The following LDLRAP1 variants were observed in gnomAD, a reference collection of about 807,000 sequenced individuals.
LDLRAP1 encodes low density lipoprotein receptor adapter protein 1.
A neutral mutation model predicts 37.8 loss-of-function variants in LDLRAP1; 30 were observed. The ratio of observed to expected loss-of-function variants is 0.79; its 90% CI spans 0.59 to 1.08. The LOEUF (loss-of-function observed/expected upper bound fraction) is 1.08. LDLRAP1 is among the 50% of genes least tolerant of loss of function. The pLI is 0.00. For missense variants in LDLRAP1, 375 were observed against 401.6 expected (o/e 0.93, Z 0.57); for synonymous variants, 156 against 169.8 (o/e 0.92, Z 0.63).
In LDLRAP1 at chr1:25,555,358, T is replaced by G. The variant is rs1266392139; in HGVS notation, c.344+386T>G. 6.6e-6 allele frequency among the ~76,000 whole-genome samples: 1 copy of G among 152,210 alleles called. No individual in the cohort carries two copies. The highest frequency in any genetic ancestry group is 6.5e-5 in the Admixed American group (1 of 15,288). On this transcript the variant is annotated intron_variant, in intron 3 of 8. Transcript: ENST00000374338. This position sits in a 1 kb window ranked among gnomAD's most constrained non-coding sequence, Gnocchi z 4.7. ...ATGCAGCAGCTCAGCTCTGGGTATCTGGCCAGACATTCCAGGGAGGCCTCA... is the reference window on the plus strand; with the variant it reads ...ATGCAGCAGCTCAGCTCTGGGTATCGGGCCAGACATTCCAGGGAGGCCTCA...
At chr1:25,551,390 G>A (rs1238116346) in intron 1 of LDLRAP1, among the ~76,000 whole-genome samples, 2 of 152,234 alleles carry the variant, frequency 1.3e-5, no homozygotes, top group Non-Finnish European at 2.9e-5. Context: ...TGGTCTCATG[G>A]TCAGGAGCTT....
chr1:25,545,219 T>C (rs1260193869), intron 1 of LDLRAP1, among the ~76,000 whole-genome samples: 1 of 151,596 alleles, frequency 6.6e-6, no homozygotes. Context: ...TCTCCAGGAA[T>C]GAGGGAGGGA....
At chr1:25,564,861 T>A (rs2044434657) in intron 7 of LDLRAP1, 1 of 388,776 alleles carries the variant, frequency 2.6e-6, no homozygotes, top group Admixed American at 3.6e-5. Flanking sequence ...AAAGCTGAGT[T>A]TCAACGTGGA....
intron 7 of LDLRAP1, 174 bp from the exon 8 acceptor site, chr1:25,564,999 T>C: frequency 1.4e-6 from 1 of 694,014 alleles, no homozygotes; most frequent in Non-Finnish European, 2.6e-6. Flanking sequence ...GTCCTTGGGC[T>C]GAGATGCTGG....
At chr1:25,545,391 A>C (rs1436929038) in intron 1 of LDLRAP1, among the ~76,000 whole-genome samples, 1 of 152,190 alleles carries the variant, frequency 6.6e-6, no homozygotes. Context: ...TGAGCAAGTC[A>C]CTTGTCCTTT....
At chr1:25,566,472 T>C (rs2044481432) in intron 8 of LDLRAP1, among the ~76,000 whole-genome samples, 1 of 152,162 alleles carries the variant, frequency 6.6e-6, no homozygotes, top group African/African-American at 2.4e-5. Flanking sequence ...AACAGCACGG[T>C]GTTGACACAG....
At chr1:25,572,472 C>T (rs2044618609), downstream of LDLRAP1, among the ~76,000 whole-genome samples, 1 of 152,180 alleles carries the variant, frequency 6.6e-6, no homozygotes, top group African/African-American at 2.4e-5. Context: ...GTGGTCCACC[C>T]TCTGCCCCAA....
chr1:25,550,997 G>A (rs1229838418), intron 1 of LDLRAP1, among the ~76,000 whole-genome samples: 4 of 152,172 alleles, frequency 2.6e-5, no homozygotes, highest in African/African-American at 7.2e-5. Flanking sequence ...TGGGAGAATG[G>A]GGACATGAAA....
chr1:25,547,161 G>T (rs1050547460), intron 1 of LDLRAP1, among the ~76,000 whole-genome samples: 1 of 152,278 alleles, frequency 6.6e-6, no homozygotes. Flanking sequence ...AGTGAGAAGG[G>T]AGGGGAGTCC....
the LDLRAP1 span, among the ~76,000 whole-genome samples, chr1:25,586,483 C>G: frequency 3.3e-3 from 486 of 146,128 alleles, 3 homozygotes; most frequent in African/African-American, 0.013. This position sits in a 1 kb window ranked among gnomAD's most constrained non-coding sequence, Gnocchi z 4.3. Context: ...TTCCCACGTG[C>G]GTGTGCGTGT....
Position 25,543,646 on chromosome 1 carries a change from T to G in LDLRAP1, c.-53T>G, listed in dbSNP as rs1572013636. 2 of 1,175,296 alleles carry G rather than the reference T, an allele frequency of 1.7e-6. No homozygotes were observed. The highest frequency in any genetic ancestry group is 2.1e-6 in the Non-Finnish European group (2 of 943,620). The allele number at this position is 1,175,296 out of a possible 1,614,324, so 72.8% of individuals were successfully genotyped here. A position where few individuals can be genotyped will look rare whatever the true frequency, so the allele number is the denominator to read the frequency against. ...CGCGCCGCAGGGCCGGGCGGAAAGT[T>G]TTTCCTGACGGAGTTTTGGCTGCGG... On this transcript the variant is annotated 5_prime_UTR_variant, in exon 1 of 9. Coordinates refer to ENST00000374338, the MANE Select transcript of LDLRAP1 (RefSeq NM_015627.3).
At chr1:25,579,885 C>T in the LDLRAP1 span, among the ~76,000 whole-genome samples, 8 of 152,282 alleles carry the variant, frequency 5.3e-5, no homozygotes, top group South Asian at 1.7e-3. Context: ...CTGACTAGAC[C>T]AGATCATCAT....
At chr1:25,578,548 C>T in the LDLRAP1 span, among the ~76,000 whole-genome samples, 14 of 152,052 alleles carry the variant, frequency 9.2e-5, no homozygotes, top group South Asian at 1.2e-3. Context: ...CTCACTCTGT[C>T]GCCCAGGCTG....
the LDLRAP1 span, among the ~76,000 whole-genome samples, chr1:25,589,509 A>G: frequency 6.6e-6 from 1 of 152,144 alleles, no homozygotes; most frequent in Non-Finnish European, 1.5e-5. Flanking sequence ...TAGACTAAGT[A>G]AAGAAGATCC....
Position 25,553,909 on chromosome 1 carries a change from T to G in LDLRAP1, c.89-13T>G. ...AGCCGCAGGGTCTGAGGGCCTACCC[T>G]GTGCTACCCCAGAGCTGCCTGAGAA... On this transcript the variant is annotated splice_polypyrimidine_tract_variant and intron_variant, in intron 1 of 8. Transcript: ENST00000374338. 3 of 1,613,140 alleles carry G rather than the reference T, an allele frequency of 1.9e-6. No individual in the cohort carries two copies. Among genetic ancestry groups the G allele is most frequent in the Non-Finnish European group, 2.5e-6 (3 of 1,179,856 alleles).
At chr1:25,583,603 C>G in the LDLRAP1 span, among the ~76,000 whole-genome samples, 48 of 152,198 alleles carry the variant, frequency 3.2e-4, no homozygotes, top group African/African-American at 1.1e-3. Flanking sequence ...TCTGAGCTTC[C>G]CGGATCTGTA....
intron 8 of LDLRAP1, among the ~76,000 whole-genome samples, chr1:25,565,512 C>T (rs373491691): frequency 7.5e-4 from 113 of 151,574 alleles, no homozygotes; most frequent in African/African-American, 2.2e-3. Context: ...TGATTTCCTC[C>T]GACTTGAGGA....
intron 4 of LDLRAP1, among the ~76,000 whole-genome samples, chr1:25,558,434 AAC>A (rs1209799405): frequency 1.3e-5 from 2 of 152,222 alleles, no homozygotes; most frequent in Admixed American, 1.3e-4. Flanking sequence ...AGTGGCTTAA[AAC>A]ACAAATGTAT....
the LDLRAP1 span, among the ~76,000 whole-genome samples, chr1:25,576,052 AAC>A: frequency 4.6e-5 from 7 of 151,544 alleles, no homozygotes; most frequent in Admixed American, 3.9e-4. Context: ...AACATGGTGA[AAC>A]CCCATCTCTA....
Sources: allele counts gnomAD v4.1 joint callset (sites outside exome capture counted in the v4.1 genomes callset), GRCh38; gene constraint gnomAD v4.1.1; non-coding constraint Gnocchi (gnomAD v3.1); transcripts MANE v1.5; gene names NCBI Gene and HGNC (gene_info 2026-07-23, HGNC 2026-07-21).